CD2: variants seen among roughly 807,000 people sequenced by gnomAD.
CD2 encodes the protein CD2 molecule, also known as T-cell surface antigen CD2.
A neutral mutation model predicts 23.2 loss-of-function variants in CD2; 18 were observed. The observed-to-expected ratio is 0.77, with a 90% CI of 0.54 to 1.15. The LOEUF (loss-of-function observed/expected upper bound fraction) is 1.15. CD2 is among the 50% of genes most tolerant of loss of function. The pLI is 0.00. For synonymous variants in CD2, 162 were observed against 151.9 expected (o/e 1.07, Z -0.49); for missense variants, 424 against 423.1 (o/e 1.00, Z -0.02).
In CD2 at chr1:116,764,735, G is replaced by A. The variant is rs565060491; in HGVS notation, c.736+129G>A. On this transcript the variant is annotated intron_variant, in intron 4 of 4. Transcript: ENST00000369478. ...GTAGTTTCGGAATGTCAGGGTTGTA[G>A]TCAGCGGTTATAGCTTGTTTCATTT... The A allele has an allele frequency of 2.7e-4, 195 of 729,498 alleles. No homozygotes were observed. The African/African-American group carries it at 3.3e-3, about 12-fold the overall frequency. The allele number at this position is 729,498 out of a possible 1,614,324, so 45.2% of individuals were successfully genotyped here. A position where few individuals can be genotyped will look rare whatever the true frequency, so the allele number is the denominator to read the frequency against.
chr1:116,765,323 T>C (rs1571243941), intron 4 of CD2, among the ~76,000 whole-genome samples: 1 of 152,250 alleles, frequency 6.6e-6, no homozygotes, highest in East Asian at 1.9e-4. Flanking sequence ...GAACAGGCCC[T>C]GGGGTTCTCT....
intron 4 of CD2, among the ~76,000 whole-genome samples, chr1:116,765,084 C>G (rs1158755447): frequency 6.6e-6 from 1 of 152,158 alleles, no homozygotes; most frequent in Non-Finnish European, 1.5e-5. Context: ...GCCTGTGCCC[C>G]CTTTGCTAAT....
chr1:116,764,204 ACGGGGGCAGTGGGCAGGC>A (rs1307146579), intron 3 of CD2, among the ~76,000 whole-genome samples: 11 of 152,210 alleles, frequency 7.2e-5, no homozygotes, highest in African/African-American at 2.4e-4. Flanking sequence ...GCTTTCCATG[ACGGGGGCAGTGGGCAGGC>A]CGGCCTTGGT....
chr1:116,758,014 C>A (rs1292751362), intron 2 of CD2, among the ~76,000 whole-genome samples: 2 of 151,686 alleles, frequency 1.3e-5, no homozygotes, highest in Non-Finnish European at 2.9e-5. Flanking sequence ...AGAGATCCGC[C>A]CACCTTAGCC....
Position 116,760,490 on chromosome 1 carries a change from C to A in CD2, c.471C>A (p.Asn157Lys), listed in dbSNP as rs1191333789. 2 of 1,614,078 alleles carry A rather than the reference C, an allele frequency of 1.2e-6. No homozygotes were observed. Among genetic ancestry groups the A allele is most frequent in the African/African-American group, 1.3e-5 (1 of 74,918 alleles). ...TGAATGGAACTGACCCCGAATTAAACCTGTATCAAGATGGGAAACATCTAA... is the reference window on the plus strand; with the variant it reads ...TGAATGGAACTGACCCCGAATTAAAACTGTATCAAGATGGGAAACATCTAA... ...EVMNGTDPELNLYQDGKHLKL... is the reference protein window; with the variant it reads ...EVMNGTDPELKLYQDGKHLKL... The change falls in exon 3 of 5, where the codon AAC becomes AAA. Residue 157 changes from asparagine (N) to lysine (K), a missense_variant. Coordinates refer to ENST00000369478, the MANE Select transcript of CD2 (RefSeq NM_001767.5).
chr1:116,760,584 G>C lies in CD2; in HGVS notation c.565G>C (p.Gly189Arg), dbSNP rs748611326. ...GAGTGCAAAATTCAAGTGCACAGCAGGGAACAAAGTCAGCAAGGAATCCAG... is the reference window on the plus strand; with the variant it reads ...GAGTGCAAAATTCAAGTGCACAGCACGGAACAAAGTCAGCAAGGAATCCAG... Reference protein sequence around the residue: ...SLSAKFKCTAGNKVSKESSVE... With the variant: ...SLSAKFKCTARNKVSKESSVE... Residue 189 changes from glycine (G) to arginine (R), a missense_variant, in exon 3 of 5, where the codon GGG becomes CGG. Gly to Arg is a moderately radical substitution (Grantham distance 125). Coordinates refer to ENST00000369478, the MANE Select transcript of CD2 (RefSeq NM_001767.5). 1 of 1,614,168 alleles carries C rather than the reference G, an allele frequency of 6.2e-7. No homozygotes were observed. The highest frequency in any genetic ancestry group is 1.7e-5 in the Admixed American group (1 of 60,028).
At chr1:116,762,667 A>C (rs3136707) in intron 3 of CD2, among the ~76,000 whole-genome samples, 46,797 of 152,128 alleles carry the variant, frequency 0.31, 7,466 homozygotes, top group African/African-American at 0.38. Context: ...CACAAAAATA[A>C]TTTGTCACAT....
intron 2 of CD2, among the ~76,000 whole-genome samples, chr1:116,756,001 C>T (rs1006441885): frequency 2.6e-5 from 4 of 152,106 alleles, no homozygotes; most frequent in Non-Finnish European, 5.9e-5. Flanking sequence ...AAAATATCAC[C>T]AGAAGCAGGG....
intron 2 of CD2, among the ~76,000 whole-genome samples, chr1:116,756,028 C>G (rs928710692): frequency 6.6e-6 from 1 of 152,168 alleles, no homozygotes; most frequent in Non-Finnish European, 1.5e-5. Context: ...CCTTCTTCCT[C>G]TCTGTCTCCA....
At chr1:116,757,455 G>A (rs1651890200) in intron 2 of CD2, among the ~76,000 whole-genome samples, 1 of 152,126 alleles carries the variant, frequency 6.6e-6, no homozygotes, top group Admixed American at 6.5e-5. Context: ...ATCCATGGAA[G>A]GCCTTAGGTT....
At chr1:116,763,907 C>T (rs191912177) in intron 3 of CD2, among the ~76,000 whole-genome samples, 4 of 152,130 alleles carry the variant, frequency 2.6e-5, no homozygotes, top group South Asian at 2.1e-4. Flanking sequence ...GGGTGCTGGC[C>T]GTGAGGTCAG....
In CD2 at chr1:116,754,632, T is replaced by G. The variant is rs1233905282; in HGVS notation, c.63T>G (p.Gly21=). The G allele has an allele frequency of 3.1e-6, 5 of 1,608,154 alleles. No individual in the cohort carries two copies. The highest frequency in any genetic ancestry group is 3.4e-6 in the Non-Finnish European group (4 of 1,178,158). The change falls in exon 2 of 5, where the codon GGT becomes GGG. Residue 21 remains glycine (G), a splice_region_variant and synonymous_variant. Transcript: ENST00000369478. ...CAGTAACTCTTTTGCTTTTTATAGG[T>G]GCAGTCTCCAAAGAGATTACGAATG... ...FLLIFNVSSK[G]AVSKEITNAL...
Position 116,754,920 on chromosome 1 carries a change from G to T in CD2, c.351G>T (p.Val117=). The stretch of plus-strand genomic sequence containing the variant: ...TATATGATACAAAAGGAAAAAATGT[G>T]TTGGAAAAAATATTTGATTTGAAGA... ...VSIYDTKGKN[V]LEKIFDLKIQ... Residue 117 remains valine, a synonymous_variant, in exon 2 of 5, where the codon GTG becomes GTT. Transcript: ENST00000369478. 1.3e-6 allele frequency: 2 copies of T among 1,597,042 alleles called. No individual in the cohort carries two copies. Among genetic ancestry groups the T allele is most frequent in the Non-Finnish European group, 1.7e-6 (2 of 1,173,374 alleles).
chr1:116,762,136 ATCTTT>A (rs1652074697), intron 3 of CD2, among the ~76,000 whole-genome samples: 1 of 152,142 alleles, frequency 6.6e-6, no homozygotes, highest in Non-Finnish European at 1.5e-5. Context: ...GCCTCGGGAG[ATCTTT>A]GATTAGAGTT....
chr1:116,761,328 T>A (rs1006174988), intron 3 of CD2, among the ~76,000 whole-genome samples: 3 of 152,178 alleles, frequency 2.0e-5, no homozygotes, highest in African/African-American at 7.2e-5. Context: ...CTAGTTTGGG[T>A]CTGTCCAAAT....
chr1:116,759,410 G>A (rs1651963122), intron 2 of CD2, among the ~76,000 whole-genome samples: 1 of 149,084 alleles, frequency 6.7e-6, no homozygotes, highest in Non-Finnish European at 1.5e-5. Context: ...AGTCTGGGGG[G>A]AACAAAGTAA....
intron 4 of CD2, among the ~76,000 whole-genome samples, chr1:116,765,767 A>G (rs530565371): frequency 6.6e-6 from 1 of 152,352 alleles, no homozygotes; most frequent in Admixed American, 6.5e-5. Context: ...GTCAAAGACC[A>G]TATCTTCTTC....
At chr1:116,762,976 C>A (rs978393939) in intron 3 of CD2, among the ~76,000 whole-genome samples, 1 of 152,176 alleles carries the variant, frequency 6.6e-6, no homozygotes, top group South Asian at 2.1e-4. Context: ...GCCATGTGCT[C>A]CCCAAAGCAT....
chr1:116,754,755 T>C lies in CD2; in HGVS notation c.186T>C (p.Thr62=), dbSNP rs1324046303. 1 of 1,613,510 alleles carries C rather than the reference T, an allele frequency of 6.2e-7. No homozygotes were observed. Residue 62 remains threonine, a synonymous_variant, in exon 2 of 5, where the codon ACT becomes ACC. Coordinates refer to ENST00000369478, the MANE Select transcript of CD2 (RefSeq NM_001767.5). ...DDIDDIKWEK[T]SDKKKIAQFR... ...TTGACGATATAAAATGGGAAAAAACTTCAGACAAGAAAAAGATTGCACAAT... is the reference window on the plus strand; with the variant it reads ...TTGACGATATAAAATGGGAAAAAACCTCAGACAAGAAAAAGATTGCACAAT...
Sources: gnomAD v4.1 joint callset for allele counts (sites outside exome capture counted in the v4.1 genomes callset) on GRCh38, gnomAD v4.1.1 for gene constraint, MANE v1.5 for transcripts, NCBI Gene and HGNC (gene_info 2026-07-23, HGNC 2026-07-21) for gene names.